MICU1: variants seen among roughly 807,000 people sequenced by gnomAD.
The protein encoded by MICU1 is mitochondrial calcium uptake 1, also known as calcium uptake protein 1, mitochondrial.
MICU1 carries 45 observed loss-of-function variants against 56.8 expected under a neutral mutation model. The observed-to-expected ratio is 0.79, with a 90% CI of 0.62 to 1.02. The LOEUF (loss-of-function observed/expected upper bound fraction) is 1.02. MICU1 is among the 50% of genes least tolerant of loss of function. The pLI, the probability that MICU1 is intolerant of heterozygous loss-of-function variation, is 0.00. For missense variants in MICU1, 504 were observed against 587.1 expected, an observed-to-expected ratio of 0.86 and a Z score of 1.46; for synonymous variants, 186 against 195.1, an observed-to-expected ratio of 0.95 and a Z score of 0.39.
At chr10:72,512,097 G>GTTTTTTTTTTTTTTTTTTTTTT (rs1867471926) in intron 5 of MICU1, among the ~76,000 whole-genome samples, 11 of 100,692 alleles carry the variant, frequency 1.1e-4, no homozygotes, top group African/African-American at 4.2e-4. Flanking sequence ...TCCATACACA[G>GTTTTTTTTTTTTTTTTTTTTTT]TTGTTTTTTG....
rs1554872366 is a variant in MICU1, at chr10:72,448,119, ATATG to A, written c.934-24752_934-24749del. On this transcript the variant is annotated intron_variant, in intron 8 of 11. Coordinates refer to ENST00000361114, the MANE Select transcript of MICU1 (RefSeq NM_001195518.2). ...TGGGCACCATGGAAAAAGTTTATAT[ATATG>A]TGTGTGTGTGTGTGTGTGTGTGTGT... Among the ~76,000 whole-genome samples the A allele has an allele frequency of 3.9e-3, 185 of 47,694 alleles. 1 individual carries two copies. Among genetic ancestry groups the A allele is most frequent in the Middle Eastern group, 0.022 (2 of 92 alleles). The allele number at this position is 47,694 out of a possible 152,430, so 31.3% of individuals were successfully genotyped here.
At position 72,375,818 on chromosome 10, in the gene MICU1, A is replaced by C; in HGVS notation, c.1235T>G (p.Val412Gly). 6.2e-7 allele frequency: 1 copy of C among 1,613,418 alleles called. No homozygotes were observed. The highest frequency in any genetic ancestry group is 1.7e-4 in the Middle Eastern group (1 of 6,060). Residue 412 changes from valine (V) to glycine (G), a missense_variant, in exon 11 of 12, where the codon GTG becomes GGG. Transcript: ENST00000361114. ...AAAGAGTGCAAACACCACATCACACACGTGGTCTGAGAGCTCCACTTTAGC... is the reference window on the plus strand; with the variant it reads ...AAAGAGTGCAAACACCACATCACACCCGTGGTCTGAGAGCTCCACTTTAGC... The part of the protein sequence containing the change: ...TVAKVELSDH[V>G]CDVVFALFDC...
At chr10:72,429,596 G>A (rs1864461282) in intron 8 of MICU1, among the ~76,000 whole-genome samples, 1 of 152,068 alleles carries the variant, frequency 6.6e-6, no homozygotes, top group South Asian at 2.1e-4. Context: ...CATAAAGAAA[G>A]AGCTCAATAA....
chr10:72,372,924 A>AC (rs1465788700), intron 11 of MICU1, among the ~76,000 whole-genome samples: 2 of 151,052 alleles, frequency 1.3e-5, no homozygotes, highest in African/African-American at 2.5e-5. Flanking sequence ...AAAAAAAAAA[A>AC]AAAAAGAAAA....
intron 8 of MICU1, among the ~76,000 whole-genome samples, chr10:72,429,710 A>C (rs1173358315): frequency 6.6e-6 from 1 of 152,180 alleles, no homozygotes; most frequent in East Asian, 1.9e-4. Flanking sequence ...CTCTACGTTT[A>C]TCTCTTAATA....
Position 72,469,898 on chromosome 10 carries a change from G to T in MICU1, c.933+5202C>A, listed in dbSNP as rs1171159322. Among the ~76,000 whole-genome samples, 24 of 152,072 alleles carry T rather than the reference G, an allele frequency of 1.6e-4. 1 individual carries two copies. The highest frequency in any genetic ancestry group is 1.6e-3 in the Admixed American group (24 of 15,266). The stretch of plus-strand genomic sequence containing the variant: ...ACATGATTATCTCTTGGGTCTTTTT[G>T]TTGTGCCTAAATCTCTTCTTCTTAT... On this transcript the variant is annotated intron_variant, in intron 8 of 11. Coordinates refer to ENST00000361114, the MANE Select transcript of MICU1 (RefSeq NM_001195518.2).
chr10:72,612,787 T>C (rs1188910759), intron 1 of MICU1, among the ~76,000 whole-genome samples: 1 of 148,320 alleles, frequency 6.7e-6, no homozygotes, highest in Non-Finnish European at 1.5e-5. Flanking sequence ...GGTGACAGAG[T>C]GAGACCCTGT....
intron 8 of MICU1, chr10:72,473,278 G>A (rs1866004247): frequency 6.8e-6 from 1 of 147,464 alleles, no homozygotes; most frequent in African/African-American, 2.5e-5. Context: ...GTGGTGGTGG[G>A]TTAAATCAAG....
At chr10:72,435,539 T>A (rs909933607) in intron 8 of MICU1, among the ~76,000 whole-genome samples, 1 of 151,950 alleles carries the variant, frequency 6.6e-6, no homozygotes, top group Non-Finnish European at 1.5e-5. Flanking sequence ...CTGGGACTGG[T>A]TGGATAGTGG....
chr10:72,577,887 T>C (rs1840790799), intron 1 of MICU1, among the ~76,000 whole-genome samples: 1 of 152,148 alleles, frequency 6.6e-6, no homozygotes, highest in African/African-American at 2.4e-5. Context: ...AGATGAAACC[T>C]ACTCCCAGTG....
At chr10:72,570,302 T>G (rs111866599) in intron 1 of MICU1, among the ~76,000 whole-genome samples, 3 of 152,268 alleles carry the variant, frequency 2.0e-5, no homozygotes, top group African/African-American at 7.2e-5. Context: ...ATGGCATACG[T>G]AATTTTTTCT....
chr10:72,370,006 A>G (rs554457678), intron 11 of MICU1, among the ~76,000 whole-genome samples: 3 of 152,102 alleles, frequency 2.0e-5, no homozygotes, highest in African/African-American at 7.2e-5. Flanking sequence ...CCTCCCAAGT[A>G]GCTGGGACCA....
chr10:72,399,817 G>C (rs990846404), intron 10 of MICU1, among the ~76,000 whole-genome samples: 3 of 151,146 alleles, frequency 2.0e-5, no homozygotes, highest in Non-Finnish European at 4.4e-5. Flanking sequence ...ACAAAAATTA[G>C]CTGGGTGGTG....
chr10:72,512,739 A>G (rs1158929913), intron 5 of MICU1, among the ~76,000 whole-genome samples: 1 of 141,922 alleles, frequency 7.0e-6, no homozygotes, highest in Non-Finnish European at 1.6e-5. Flanking sequence ...TCACTCTGAC[A>G]CCCAGGCTGG....
At chr10:72,560,607 T>C (rs1840272405) in intron 3 of MICU1, among the ~76,000 whole-genome samples, 1 of 152,210 alleles carries the variant, frequency 6.6e-6, no homozygotes, top group Non-Finnish European at 1.5e-5. Flanking sequence ...CAGTGGCTCA[T>C]GCCTATAATC....
At chr10:72,378,844 G>C (rs1862610591) in intron 10 of MICU1, among the ~76,000 whole-genome samples, 1 of 152,152 alleles carries the variant, frequency 6.6e-6, no homozygotes, top group African/African-American at 2.4e-5. Context: ...CCAGACAACT[G>C]CTGAGGCGGC....
intron 10 of MICU1, among the ~76,000 whole-genome samples, chr10:72,383,080 A>G (rs1206724777): frequency 6.6e-6 from 1 of 152,122 alleles, no homozygotes; most frequent in Non-Finnish European, 1.5e-5. Flanking sequence ...CATCTCTACG[A>G]AAAATTTTAA....
At chr10:72,622,450 T>A (rs1053564887) in intron 1 of MICU1, among the ~76,000 whole-genome samples, 1 of 152,112 alleles carries the variant, frequency 6.6e-6, no homozygotes, top group African/African-American at 2.4e-5. Flanking sequence ...AAGCATTCCA[T>A]CACTCTGGCC....
chr10:72,407,440 C>T (rs1391430857), intron 10 of MICU1, among the ~76,000 whole-genome samples: 2 of 152,176 alleles, frequency 1.3e-5, no homozygotes, highest in Admixed American at 6.5e-5. Flanking sequence ...CGTGCTCTCA[C>T]GTTGCTTGTA....
Sources: allele counts gnomAD v4.1 joint callset (sites outside exome capture counted in the v4.1 genomes callset), GRCh38; gene constraint gnomAD v4.1.1; transcripts MANE v1.5; gene names NCBI Gene and HGNC (gene_info 2026-07-23, HGNC 2026-07-21).